Variants in EMP2 observed in about 807,000 individuals in gnomAD.
The protein encoded by EMP2 is epithelial membrane protein 2.
EMP2 carries 19 observed loss-of-function variants against 13.7 expected under a neutral mutation model. That is an observed-to-expected ratio of 1.38 (90% CI 0.97 to 2.03). The LOEUF is 2.03. Ranked by LOEUF, EMP2 falls within the 30% of genes most tolerant of loss-of-function variation. The pLI is 0.00. For missense variants in EMP2, 253 were observed against 220.7 expected (o/e 1.15, Z -0.93); for synonymous variants, 97 against 84.7 (o/e 1.15, Z -0.80).
At position 10,531,674 on chromosome 16, in the gene EMP2, G is replaced by C. The variant is rs561079188; in HGVS notation, c.*1231C>G. ...TAATCTGTCTCCTCCACTAGGCCAT[G>C]AGCCCTAGGAGGAGATTGTCTCTAG... On this transcript the variant is annotated 3_prime_UTR_variant, in exon 5 of 5. Coordinates refer to ENST00000359543, the MANE Select transcript of EMP2 (RefSeq NM_001424.6). 3.9e-5 allele frequency: 6 copies of C among 152,636 alleles called. No individual in the cohort carries two copies. In the South Asian group the frequency reaches 1.2e-3, roughly 32 times the overall value. The allele number at this position is 152,636 out of a possible 1,614,324, so 9.5% of individuals were successfully genotyped here. A position where few individuals can be genotyped will look rare whatever the true frequency, so the allele number is the denominator to read the frequency against.
chr16:10,577,417 C>CG (rs1567212445), intron 1 of EMP2, among the ~76,000 whole-genome samples: 1 of 152,134 alleles, frequency 6.6e-6, no homozygotes, highest in Admixed American at 6.5e-5. Context: ...TAGACTCCCC[C>CG]CTGGCCTGTC....
chr16:10,547,421 T>C, intron 2 of EMP2, 119 bp downstream of exon 2: 1 of 1,111,874 alleles, frequency 9.0e-7, no homozygotes, highest in Non-Finnish European at 1.3e-6. Flanking sequence ...TCATTTTCCT[T>C]ATAAATTACC....
intron 1 of EMP2, among the ~76,000 whole-genome samples, chr16:10,572,749 C>A (rs557124012): frequency 1.3e-5 from 2 of 152,182 alleles, no homozygotes; most frequent in African/African-American, 4.8e-5. Flanking sequence ...TGTAGCACCC[C>A]GCAATCCAAT....
chr16:10,556,624 A>G (rs2050829513), intron 1 of EMP2, among the ~76,000 whole-genome samples: 1 of 152,244 alleles, frequency 6.6e-6, no homozygotes, highest in East Asian at 1.9e-4. Flanking sequence ...GTCATGCCAC[A>G]TGAAAACGAG....
rs769050150 is a variant in EMP2 at position 10,580,363 on chromosome 16, A to T, written c.-61+186T>A. ...TGGCGAAGTGGAATTCTGGGGCCGG[A>T]GCGAGCGTGGCGCAGACCAGAGGTC... On this transcript the variant is annotated intron_variant, in intron 1 of 4. Coordinates refer to ENST00000359543, the MANE Select transcript of EMP2 (RefSeq NM_001424.6). The surrounding 1 kb of genome is among the most constrained non-coding windows in gnomAD (Gnocchi z 4.3). Among the ~76,000 whole-genome samples the T allele has an allele frequency of 6.6e-6, 1 of 152,156 alleles. No homozygotes were observed. The highest frequency in any genetic ancestry group is 2.4e-5 in the African/African-American group (1 of 41,440).
At chr16:10,538,911 G>A (rs1206939751) in intron 3 of EMP2, among the ~76,000 whole-genome samples, 1 of 152,092 alleles carries the variant, frequency 6.6e-6, no homozygotes, top group Non-Finnish European at 1.5e-5. Flanking sequence ...GAACTCTTGG[G>A]CCCAAGTGAT....
chr16:10,550,051 A>G (rs2050774172), intron 1 of EMP2, among the ~76,000 whole-genome samples: 1 of 151,626 alleles, frequency 6.6e-6, no homozygotes, highest in Admixed American at 6.6e-5. Context: ...ACGCCCAGCT[A>G]ATTTTTGTAT....
In EMP2 at chr16:10,580,052, C is replaced by T. The variant is rs1316573754; in HGVS notation, c.-61+497G>A. On this transcript the variant is annotated intron_variant, in intron 1 of 4. Coordinates refer to ENST00000359543, the MANE Select transcript of EMP2 (RefSeq NM_001424.6). This position sits in a 1 kb window ranked among gnomAD's most constrained non-coding sequence, Gnocchi z 4.3. ...CTCCCGGCTCCTCCACCGTTCCTGACCCCCAAGAAGTCGCTCCTCGCCGCT... is the reference window on the plus strand; with the variant it reads ...CTCCCGGCTCCTCCACCGTTCCTGATCCCCAAGAAGTCGCTCCTCGCCGCT... 6.6e-6 allele frequency among the ~76,000 whole-genome samples: 1 copy of T among 152,220 alleles called. No homozygotes were observed. Among genetic ancestry groups the T allele is most frequent in the African/African-American group, 2.4e-5 (1 of 41,470 alleles).
At chr16:10,561,353 AG>A (rs1181422441) in intron 1 of EMP2, among the ~76,000 whole-genome samples, 2 of 152,238 alleles carry the variant, frequency 1.3e-5, no homozygotes, top group African/African-American at 4.8e-5. Context: ...GGCTAGAACC[AG>A]GAATCCTGGT....
intron 3 of EMP2, 96 bp downstream of exon 3, chr16:10,543,474 A>G: frequency 7.3e-7 from 1 of 1,363,766 alleles, no homozygotes; most frequent in Non-Finnish European, 1.0e-6. Flanking sequence ...CAGTGAGTGG[A>G]GGAGAGGGTA....
At chr16:10,541,121 G>T (rs1343753971) in intron 3 of EMP2, among the ~76,000 whole-genome samples, 1 of 151,978 alleles carries the variant, frequency 6.6e-6, no homozygotes, top group Non-Finnish European at 1.5e-5. Context: ...TAGATTTATG[G>T]GTGAGTGCAG....
rs1209815518 is a variant in EMP2 at position 10,531,521 on chromosome 16, G to C, written c.*1384C>G. 2.6e-5 allele frequency: 4 copies of C among 151,434 alleles called. 1 individual carries two copies. Among genetic ancestry groups the C allele is most frequent in the Admixed American group, 1.3e-4 (2 of 15,136 alleles). The allele number at this position is 151,434 out of a possible 1,614,324, so 9.4% of individuals were successfully genotyped here. On this transcript the variant is annotated 3_prime_UTR_variant, in exon 5 of 5. Coordinates refer to ENST00000359543, the MANE Select transcript of EMP2 (RefSeq NM_001424.6). Reference sequence around the variant, plus strand: ...CATTTTTGTATTTTTAGTAGAGACAGGTTTTACCATTTTGGCCAGGCTGGT... The same window carrying C: ...CATTTTTGTATTTTTAGTAGAGACACGTTTTACCATTTTGGCCAGGCTGGT...
chr16:10,553,778 C>T (rs1007237484), intron 1 of EMP2, among the ~76,000 whole-genome samples: 1 of 152,230 alleles, frequency 6.6e-6, no homozygotes, highest in Non-Finnish European at 1.5e-5. Flanking sequence ...CCATTTAGGT[C>T]GCTTCCGGAC....
intron 2 of EMP2, chr16:10,544,302 C>A (rs11644786): frequency 0.023 from 3,413 of 151,630 alleles, 64 homozygotes; most frequent in Non-Finnish European, 0.038. Flanking sequence ...GCCTCAGTCT[C>A]ACGAGTAGCT....
chr16:10,569,522 G>C lies in EMP2; in HGVS notation c.-61+11027C>G, dbSNP rs182592503. Among the ~76,000 whole-genome samples the C allele has an allele frequency of 5.1e-3, 778 of 151,942 alleles. 6 individuals carry two copies. The highest frequency in any genetic ancestry group is 5.6e-3 in the Non-Finnish European group (379 of 67,964). On this transcript the variant is annotated intron_variant, in intron 1 of 4. Coordinates refer to ENST00000359543, the MANE Select transcript of EMP2 (RefSeq NM_001424.6). ...TTTGTACAGATGGGGGTCTCCCTATGTTCCTTGAACTAGTCTTGAACTCCT... is the reference window on the plus strand; with the variant it reads ...TTTGTACAGATGGGGGTCTCCCTATCTTCCTTGAACTAGTCTTGAACTCCT...
chr16:10,537,091 C>T (rs1305851409), intron 4 of EMP2, among the ~76,000 whole-genome samples: 1 of 152,118 alleles, frequency 6.6e-6, no homozygotes, highest in Non-Finnish European at 1.5e-5. Flanking sequence ...CCTAAGTTGG[C>T]TCCCACACCC....
At chr16:10,564,790 A>G (rs908534935) in intron 1 of EMP2, among the ~76,000 whole-genome samples, 1 of 152,104 alleles carries the variant, frequency 6.6e-6, no homozygotes, top group East Asian at 1.9e-4. Context: ...AGCTCGGGGC[A>G]TGTGGACAAG....
At chr16:10,568,445 A>T (rs2050924141) in intron 1 of EMP2, among the ~76,000 whole-genome samples, 1 of 152,174 alleles carries the variant, frequency 6.6e-6, no homozygotes, top group South Asian at 2.1e-4. Flanking sequence ...AGAGAGAACT[A>T]AATGCTTTTT....
chr16:10,547,145 T>C lies in EMP2; in HGVS notation c.78+395A>G, dbSNP rs555750327. On this transcript the variant is annotated intron_variant, in intron 2 of 4. Transcript: ENST00000359543. The stretch of plus-strand genomic sequence containing the variant: ...CTCAACCTGTGATATGGTTCGGCTG[T>C]GTCCCCACCCAAATCTCGTATTGTA... 1.9e-3 allele frequency: 303 copies of C among 163,126 alleles called. 3 individuals carry two copies. Among genetic ancestry groups the C allele is most frequent in the African/African-American group, 6.8e-3 (287 of 41,922 alleles). 10.1% of individuals were successfully genotyped at this position (163,126 alleles called of 1,614,324 possible). A position where few individuals can be genotyped will look rare whatever the true frequency, so the allele number is the denominator to read the frequency against.
Sources: gnomAD v4.1 joint callset for allele counts (sites outside exome capture counted in the v4.1 genomes callset) on GRCh38, gnomAD v4.1.1 for gene constraint, Gnocchi (gnomAD v3.1) non-coding constraint, MANE v1.5 for transcripts, NCBI Gene and HGNC (gene_info 2026-07-23, HGNC 2026-07-21) for gene names.